Variants in ZNF385D observed in about 807,000 individuals in gnomAD.
ZNF385D encodes the protein zinc finger protein 385D.
In ZNF385D, 15 loss-of-function variants were observed where a neutral mutation model predicts 35.8. The ratio of observed to expected loss-of-function variants is 0.42; its 90% CI spans 0.28 to 0.64. The LOEUF (loss-of-function observed/expected upper bound fraction) is 0.64, where lower values mean the gene tolerates loss of function less well. Ranked by LOEUF, ZNF385D falls within the 30% of genes least tolerant of loss-of-function variation. The pLI is 0.23. For synonymous variants in ZNF385D, 212 were observed against 186.8 expected (o/e 1.13, Z -1.10); for missense variants, 474 against 494.6 (o/e 0.96, Z 0.39).
chr3:22,105,060 A>G (rs1451661353), intron 3 of ZNF385D, among the ~76,000 whole-genome samples: 2 of 152,102 alleles, frequency 1.3e-5, no homozygotes, highest in Non-Finnish European at 2.9e-5. Flanking sequence ...ATAATTTTAA[A>G]ATGTAGTATT....
At position 21,416,502 on chromosome 3, in the gene ZNF385D, AAAT is replaced by A. The variant is rs367779365; in HGVS notation, c.*4709_*4711del. 98 of 152,222 alleles carry A rather than the reference AAAT, an allele frequency of 6.4e-4. No homozygotes were observed. Among genetic ancestry groups the A allele is most frequent in the African/African-American group, 2.3e-3 (94 of 41,538 alleles). The allele number at this position is 152,222 out of a possible 1,614,324, so 9.4% of individuals were successfully genotyped here. On this transcript the variant is annotated 3_prime_UTR_variant, in exon 8 of 8. Coordinates refer to ENST00000281523, the MANE Select transcript of ZNF385D (RefSeq NM_024697.3). The stretch of plus-strand genomic sequence containing the variant: ...CTGGACACCCTGATACCACTCTCAG[AAAT>A]ACCATGTAGGCAATGGAGACCTACC...
chr3:22,179,660 G>A (rs1487924737), intron 2 of ZNF385D, among the ~76,000 whole-genome samples: 1 of 152,204 alleles, frequency 6.6e-6, no homozygotes, highest in African/African-American at 2.4e-5. Context: ...TCACTGCCTT[G>A]TGCCAGTTTT....
chr3:22,266,665 C>T (rs1405598043), intron 2 of ZNF385D, among the ~76,000 whole-genome samples: 4 of 151,910 alleles, frequency 2.6e-5, no homozygotes, highest in African/African-American at 7.2e-5. Context: ...TGGAAATTTT[C>T]TATTCTGGTA....
chr3:22,201,368 A>C (rs1289312271), intron 2 of ZNF385D, among the ~76,000 whole-genome samples: 5 of 152,116 alleles, frequency 3.3e-5, no homozygotes, highest in African/African-American at 1.2e-4. Context: ...GTAACCATAA[A>C]AAGTTTTTAC....
chr3:21,574,143 A>G (rs1318753075), intron 2 of ZNF385D, among the ~76,000 whole-genome samples: 1 of 152,042 alleles, frequency 6.6e-6, no homozygotes. Flanking sequence ...ACTAATCAAC[A>G]TAAAGAGACA....
At chr3:22,218,795 G>C (rs979093181) in intron 2 of ZNF385D, among the ~76,000 whole-genome samples, 1 of 151,976 alleles carries the variant, frequency 6.6e-6, no homozygotes, top group Admixed American at 6.6e-5. Flanking sequence ...CCTTCAAGAA[G>C]ATTTTTTAAT....
At chr3:21,999,022 C>G (rs1395291274) in intron 3 of ZNF385D, among the ~76,000 whole-genome samples, 1 of 152,126 alleles carries the variant, frequency 6.6e-6, no homozygotes, top group Non-Finnish European at 1.5e-5. Flanking sequence ...CTCGGTTTAG[C>G]CTTTTTAAAA....
chr3:21,516,218 G>A (rs895143354), intron 3 of ZNF385D, among the ~76,000 whole-genome samples: 2 of 152,174 alleles, frequency 1.3e-5, no homozygotes, highest in African/African-American at 2.4e-5. Flanking sequence ...TCTCCCACAT[G>A]TCCAGCCTTA....
chr3:21,530,641 C>T (rs1482417141), intron 3 of ZNF385D, among the ~76,000 whole-genome samples: 2 of 151,960 alleles, frequency 1.3e-5, no homozygotes, highest in East Asian at 1.9e-4. Flanking sequence ...TAAAAGAGAC[C>T]CTCAGCATGA....
intron 3 of ZNF385D, among the ~76,000 whole-genome samples, chr3:21,825,810 C>G (rs1257165591): frequency 6.6e-6 from 1 of 152,182 alleles, no homozygotes; most frequent in Non-Finnish European, 1.5e-5. Flanking sequence ...CAGAACCAGT[C>G]CCTCGCTTGT....
chr3:22,015,900 G>A (rs1053017767), intron 3 of ZNF385D, among the ~76,000 whole-genome samples: 9 of 151,950 alleles, frequency 5.9e-5, no homozygotes, highest in Admixed American at 3.3e-4. Context: ...TTGTGCCCAC[G>A]TTCCTGAAAA....
intron 1 of ZNF385D, among the ~76,000 whole-genome samples, chr3:21,739,942 G>C (rs2069430121): frequency 6.6e-6 from 1 of 152,160 alleles, no homozygotes. Flanking sequence ...CTGCTTCACA[G>C]ATTAAGAAAC....
chr3:22,113,670 T>G (rs1702655514), intron 3 of ZNF385D, among the ~76,000 whole-genome samples: 1 of 152,064 alleles, frequency 6.6e-6, no homozygotes, highest in Non-Finnish European at 1.5e-5. Flanking sequence ...AGGAGTGTCT[T>G]AGAAGCCAGG....
intron 3 of ZNF385D, among the ~76,000 whole-genome samples, chr3:22,011,701 T>C: frequency 6.6e-6 from 1 of 152,226 alleles, no homozygotes; most frequent in African/African-American, 2.4e-5. Flanking sequence ...GTAACAATCA[T>C]TTAATATTTA....
At chr3:22,101,518 G>A (rs1443217801) in intron 3 of ZNF385D, among the ~76,000 whole-genome samples, 1 of 152,146 alleles carries the variant, frequency 6.6e-6, no homozygotes, top group Middle Eastern at 3.4e-3. Flanking sequence ...TAATCTAAAT[G>A]ATTGCAAAAT....
chr3:22,087,246 C>T (rs1004534720), intron 3 of ZNF385D, among the ~76,000 whole-genome samples: 3 of 151,634 alleles, frequency 2.0e-5, no homozygotes, highest in African/African-American at 7.3e-5. Flanking sequence ...TTCACTGTGG[C>T]CACATCTATA....
chr3:21,850,939 G>A (rs1300042406), intron 3 of ZNF385D, among the ~76,000 whole-genome samples: 1 of 151,896 alleles, frequency 6.6e-6, no homozygotes, highest in East Asian at 1.9e-4. Flanking sequence ...AAACCATTAT[G>A]TATCATTCAA....
chr3:21,956,109 C>T (rs1702271704), intron 3 of ZNF385D, among the ~76,000 whole-genome samples: 1 of 151,858 alleles, frequency 6.6e-6, no homozygotes, highest in South Asian at 2.1e-4. Flanking sequence ...TCTGCTTGAG[C>T]CCAGGAGATA....
chr3:21,588,192 AG>A (rs2063868111), intron 2 of ZNF385D, among the ~76,000 whole-genome samples: 1 of 152,164 alleles, frequency 6.6e-6, no homozygotes, highest in African/African-American at 2.4e-5. Context: ...TAGAAACACA[AG>A]GGAGGAAATA....
Sources: allele counts gnomAD v4.1 joint callset (sites outside exome capture counted in the v4.1 genomes callset), GRCh38; gene constraint gnomAD v4.1.1; transcripts MANE v1.5; gene names NCBI Gene and HGNC (gene_info 2026-07-23, HGNC 2026-07-21).